Variants in KLHL1 observed in about 807,000 individuals in gnomAD.
KLHL1 encodes the protein kelch like family member 1.
Under a neutral mutation model 77.7 loss-of-function variants are expected in KLHL1, and 47 were observed. That is an observed-to-expected ratio of 0.60 (90% CI 0.48 to 0.77). The LOEUF (loss-of-function observed/expected upper bound fraction) is 0.77. KLHL1 is among the 30% of genes least tolerant of loss of function. KLHL1 has a pLI of 0.00. For missense variants in KLHL1, 925 were observed against 910.8 expected (o/e 1.02, Z -0.20); for synonymous variants, 360 against 325.2 (o/e 1.11, Z -1.15).
intron 4 of KLHL1, among the ~76,000 whole-genome samples, chr13:69,898,462 C>A (rs1881726903): frequency 6.6e-6 from 1 of 152,148 alleles, no homozygotes; most frequent in Non-Finnish European, 1.5e-5. Flanking sequence ...ACTTGCAACA[C>A]CTGGCACTAG....
chr13:70,034,576 C>T (rs1886193059), intron 1 of KLHL1, among the ~76,000 whole-genome samples: 3 of 152,234 alleles, frequency 2.0e-5, no homozygotes, highest in East Asian at 1.9e-4. Flanking sequence ...AAAAAGTTCT[C>T]TTGTCAGAAA....
chr13:69,796,932 C>T lies in KLHL1; in HGVS notation c.1445G>A (p.Arg482Lys). 6.2e-7 allele frequency: 1 copy of T among 1,614,102 alleles called. No homozygotes were observed. Among genetic ancestry groups the T allele is most frequent in the Non-Finnish European group, 8.5e-7 (1 of 1,179,978 alleles). ...CCCTGCCTGGATCCACAGATTTGTT[C>T]TCAGATCATATTTCTCTATAGTTGT... ...GATTIEKYDLRTNLWIQAGMM... is the reference protein window; with the variant it reads ...GATTIEKYDLKTNLWIQAGMM... The change falls in exon 7 of 11, where the codon AGA (arginine) becomes AAA (lysine). Residue 482 changes from arginine to lysine, a missense_variant. By Grantham distance (26) the Arg-to-Lys change is conservative (BLOSUM62 2). Coordinates refer to ENST00000377844, the MANE Select transcript of KLHL1 (RefSeq NM_020866.3).
chr13:70,042,110 CTA>C (rs1207855578), intron 1 of KLHL1, among the ~76,000 whole-genome samples: 7 of 151,946 alleles, frequency 4.6e-5, no homozygotes, highest in Non-Finnish European at 1.0e-4. Context: ...GTTGGCATTT[CTA>C]TGTTAGTGAC....
intron 4 of KLHL1, among the ~76,000 whole-genome samples, chr13:69,890,920 T>C (rs985879256): frequency 6.6e-6 from 1 of 152,106 alleles, no homozygotes; most frequent in African/African-American, 2.4e-5. Context: ...TATACTTGTT[T>C]AATTAATATT....
intron 5 of KLHL1, among the ~76,000 whole-genome samples, chr13:69,856,631 C>T (rs966917949): frequency 1.3e-5 from 2 of 152,032 alleles, no homozygotes; most frequent in African/African-American, 4.8e-5. Flanking sequence ...CTGTTAAAAA[C>T]TTTTATCTGC....
chr13:69,885,098 G>A (rs1469165047), intron 4 of KLHL1, among the ~76,000 whole-genome samples: 2 of 141,110 alleles, frequency 1.4e-5, no homozygotes, highest in Non-Finnish European at 3.0e-5. Flanking sequence ...CCGCCACCAC[G>A]CCCGGCTAAT....
Position 69,813,408 on chromosome 13 carries a change from A to T in KLHL1, c.1415-16446T>A, listed in dbSNP as rs183013487. On this transcript the variant is annotated intron_variant, in intron 6 of 10. Transcript: ENST00000377844. ...TTAATGGGTACAGCACACCAACATGACACATGTATACATATGTAACACACC... is the reference window on the plus strand; with the variant it reads ...TTAATGGGTACAGCACACCAACATGTCACATGTATACATATGTAACACACC... Among the ~76,000 whole-genome samples, 664 of 151,856 alleles carry T rather than the reference A, an allele frequency of 4.4e-3. 4 individuals are homozygous for T. Among genetic ancestry groups the T allele is most frequent in the Non-Finnish European group, 7.1e-3 (484 of 67,910 alleles).
intron 3 of KLHL1, among the ~76,000 whole-genome samples, chr13:69,957,453 A>C (rs905958472): frequency 4.0e-5 from 6 of 151,740 alleles, no homozygotes; most frequent in African/African-American, 1.4e-4. Flanking sequence ...GATGGCATGA[A>C]AGTGATATGC....
chr13:70,036,009 G>A lies in KLHL1; in HGVS notation c.498-60207C>T, dbSNP rs116806791. Reference sequence around the variant, plus strand: ...TTTACTTTATAAATGCTTCAATGATGAGTATCAACACACTGAATAATTTCA... The same window carrying A: ...TTTACTTTATAAATGCTTCAATGATAAGTATCAACACACTGAATAATTTCA... On this transcript the variant is annotated intron_variant, in intron 1 of 10. Transcript: ENST00000377844. Among the ~76,000 whole-genome samples, 1,044 of 152,058 alleles carry A rather than the reference G, an allele frequency of 6.9e-3. 14 individuals carry two copies. The highest frequency in any genetic ancestry group is 0.023 in the African/African-American group (949 of 41,514).
chr13:69,978,439 G>A (rs990543747), intron 1 of KLHL1, among the ~76,000 whole-genome samples: 3 of 151,070 alleles, frequency 2.0e-5, no homozygotes, highest in South Asian at 2.1e-4. Context: ...CTCTACATAC[G>A]TCCTTATATT....
intron 7 of KLHL1, among the ~76,000 whole-genome samples, chr13:69,755,335 T>TA (rs1874661413): frequency 6.6e-6 from 1 of 151,894 alleles, no homozygotes; most frequent in Non-Finnish European, 1.5e-5. Flanking sequence ...GAGGCTTCAC[T>TA]AAAAGGTTTG....
intron 1 of KLHL1, among the ~76,000 whole-genome samples, chr13:70,054,930 GA>G (rs1187262028): frequency 2.6e-5 from 4 of 151,898 alleles, no homozygotes; most frequent in Admixed American, 6.6e-5. Flanking sequence ...GAAAGAACTA[GA>G]AAACAACCTC....
chr13:70,024,359 A>G (rs1364416088), intron 1 of KLHL1, among the ~76,000 whole-genome samples: 16 of 151,852 alleles, frequency 1.1e-4, no homozygotes, highest in Non-Finnish European at 7.4e-5. Context: ...CTAGATAGAA[A>G]GATAGAGAGT....
At chr13:69,737,279 G>A (rs1873802974) in intron 8 of KLHL1, among the ~76,000 whole-genome samples, 1 of 152,242 alleles carries the variant, frequency 6.6e-6, no homozygotes, top group African/African-American at 2.4e-5. Flanking sequence ...GCAGGCAGCT[G>A]CTGGAGCAGG....
At chr13:70,086,922 G>A (rs1003380999) in intron 1 of KLHL1, among the ~76,000 whole-genome samples, 1 of 152,100 alleles carries the variant, frequency 6.6e-6, no homozygotes, top group Non-Finnish European at 1.5e-5. Context: ...AGATGAGAGT[G>A]GAGCCCAAAA....
intron 1 of KLHL1, among the ~76,000 whole-genome samples, chr13:69,985,783 T>C (rs1256415694): frequency 6.8e-6 from 1 of 147,234 alleles, no homozygotes. Context: ...TCCATATATA[T>C]ATATATATAT....
At position 69,743,316 on chromosome 13, in the gene KLHL1, G is replaced by A. The variant is rs143858661; in HGVS notation, c.1640-2760C>T. Among the ~76,000 whole-genome samples the A allele has an allele frequency of 4.8e-3, 727 of 152,290 alleles. 5 individuals are homozygous for A. The highest frequency in any genetic ancestry group is 0.016 in the African/African-American group (674 of 41,558). On this transcript the variant is annotated intron_variant, in intron 7 of 10. Transcript: ENST00000377844. ...ATTGGAGTCAGGTTAGGTGGCGGTA[G>A]GGAGATGATTAGAAGAAAATTTCAG...
At chr13:69,975,343 G>A (rs540347835) in intron 2 of KLHL1, among the ~76,000 whole-genome samples, 1 of 152,006 alleles carries the variant, frequency 6.6e-6, no homozygotes, top group African/African-American at 2.4e-5. Flanking sequence ...TTCCTCCATA[G>A]TTATCAACCC....
rs574035393 is a variant in KLHL1, at chr13:70,093,013, T to C, written c.497+14190A>G. Among the ~76,000 whole-genome samples, 6 of 152,262 alleles carry C rather than the reference T, an allele frequency of 3.9e-5. No individual in the cohort carries two copies. In the South Asian group the frequency reaches 6.2e-4, roughly 16 times the overall value. On this transcript the variant is annotated intron_variant, in intron 1 of 10. Transcript: ENST00000377844. ...TTAAACAAAATTTAATTTTAAATAA[T>C]AAATTATGATTTTATTTTTAAAGAC...
Sources: gnomAD v4.1 joint callset for allele counts (sites outside exome capture counted in the v4.1 genomes callset) on GRCh38, gnomAD v4.1.1 for gene constraint, MANE v1.5 for transcripts, NCBI Gene and HGNC (gene_info 2026-07-23, HGNC 2026-07-21) for gene names.